Variants in CASK observed in about 807,000 individuals in gnomAD.
CASK encodes the protein calcium/calmodulin dependent serine protein kinase, also known as peripheral plasma membrane protein CASK.
In CASK, 4 loss-of-function variants were observed where a neutral mutation model predicts 82.9. The ratio of observed to expected loss-of-function variants is 0.05; its 90% CI spans 0.02 to 0.11. The LOEUF (loss-of-function observed/expected upper bound fraction) is 0.11, where lower values mean the gene tolerates loss of function less well. Ranked by LOEUF, CASK falls within the 10% of genes least tolerant of loss-of-function variation. The probability of loss-of-function intolerance (pLI) is 1.00; values close to 1 mark genes in which losing one functional copy is unlikely to be tolerated. For synonymous variants in CASK, 259 were observed against 253.5 expected, an observed-to-expected ratio of 1.02 and a Z score of -0.20; for missense variants, 358 against 720.9, an observed-to-expected ratio of 0.50 and a Z score of 5.76.
chrX:41,741,358 T>A (rs187650800), intron 4 of CASK, among the ~76,000 whole-genome samples: 2 of 112,189 alleles, frequency 1.8e-5, no homozygotes, highest in Admixed American at 1.9e-4. Flanking sequence ...AATATTATTA[T>A]TGTTAAGTTC....
chrX:41,660,593 A>G (rs752372361), intron 7 of CASK, 32 bp from the exon 8 acceptor site: 7 of 1,171,994 alleles, frequency 6.0e-6, no homozygotes, highest in Non-Finnish European at 8.1e-6. Context: ...CTACATAGTT[A>G]CCTTAAATGA....
At chrX:41,912,951 A>C (rs1485455305) in intron 1 of CASK, among the ~76,000 whole-genome samples, 1 of 108,744 alleles carries the variant, frequency 9.2e-6, no homozygotes, top group Admixed American at 1.0e-4. Flanking sequence ...TAAATGAGGA[A>C]GCAGGCCTAC....
intron 5 of CASK, chrX:41,729,434 G>A (rs867249652): frequency 1.6e-5 from 2 of 121,557 alleles, no homozygotes; most frequent in Non-Finnish European, 3.8e-5. Context: ...AAATATTGAA[G>A]TGGGCTGGGT....
intron 1 of CASK, among the ~76,000 whole-genome samples, chrX:41,873,306 A>G (rs543785922): frequency 7.6e-5 from 8 of 105,533 alleles, no homozygotes; most frequent in Non-Finnish European, 1.4e-4. Context: ...AAAAAAAAAA[A>G]AGAGAGAGAG....
chrX:41,830,634 C>T, intron 2 of CASK, among the ~76,000 whole-genome samples: 1 of 107,375 alleles, frequency 9.3e-6, no homozygotes, highest in Non-Finnish European at 1.9e-5. Context: ...TCCTGGCTAA[C>T]TCGGTGAAAC....
chrX:41,779,764 C>G (rs190928774), intron 3 of CASK, among the ~76,000 whole-genome samples: 118 of 110,623 alleles, frequency 1.1e-3, no homozygotes, highest in Non-Finnish European at 1.9e-3. Flanking sequence ...AGCAAGTTTG[C>G]TGGTAAGTAG....
intron 1 of CASK, among the ~76,000 whole-genome samples, chrX:41,867,512 C>T (rs5963280): frequency 4.9e-4 from 55 of 112,265 alleles, no homozygotes; most frequent in African/African-American, 1.6e-3. Context: ...GCTGTAAAAT[C>T]ATATAACATG....
At chrX:41,817,120 A>G (rs2070428325) in intron 2 of CASK, among the ~76,000 whole-genome samples, 1 of 112,210 alleles carries the variant, frequency 8.9e-6, no homozygotes, top group Non-Finnish European at 1.9e-5. Context: ...TCAATAAACT[A>G]AAAAGGTCAT....
intron 2 of CASK, among the ~76,000 whole-genome samples, chrX:41,839,094 T>C (rs1221566562): frequency 8.9e-6 from 1 of 111,762 alleles, no homozygotes. Flanking sequence ...TTCCTCCCAC[T>C]TTATCATAGT....
At chrX:41,778,419 T>A (rs918744454) in intron 3 of CASK, among the ~76,000 whole-genome samples, 4 of 110,403 alleles carry the variant, frequency 3.6e-5, no homozygotes, top group African/African-American at 1.3e-4. Context: ...TTAGTAGTGA[T>A]AGGGTTTCAC....
At chrX:41,630,531 C>T (rs2066448384) in intron 9 of CASK, among the ~76,000 whole-genome samples, 1 of 111,614 alleles carries the variant, frequency 9.0e-6, no homozygotes, top group African/African-American at 3.3e-5. Flanking sequence ...TGGTTTTGTA[C>T]CTAAATAACA....
In CASK at chrX:41,787,263, T is replaced by C; in HGVS notation, c.193A>G (p.Ile65Val). Residue 65 changes from isoleucine (I) to valine (V), a missense_variant, in exon 3 of 27, where the codon ATC (isoleucine) becomes GTC (valine). Coordinates refer to ENST00000378163, the MANE Select transcript of CASK (RefSeq NM_001367721.1). ...TGTGGATGTTTCAGCATATGACAGA[T>C]ACTGGCTTCCCGCTTTAGATCTGTA... Reference protein sequence around the residue: ...STEDLKREASICHMLKHPHIV... With the variant: ...STEDLKREASVCHMLKHPHIV... 1 of 1,178,928 alleles carries C rather than the reference T, an allele frequency of 8.5e-7. No individual in the cohort carries two copies. Among genetic ancestry groups the C allele is most frequent in the African/African-American group, 1.7e-5 (1 of 57,290 alleles).
intron 4 of CASK, among the ~76,000 whole-genome samples, chrX:41,741,032 G>A (rs1006981025): frequency 8.1e-5 from 9 of 110,975 alleles, no homozygotes; most frequent in Admixed American, 1.9e-4. Flanking sequence ...ACAGATATGC[G>A]CCACCACGCC....
intron 2 of CASK, among the ~76,000 whole-genome samples, chrX:41,798,663 C>T (rs1227486419): frequency 9.0e-6 from 1 of 111,670 alleles, no homozygotes; most frequent in East Asian, 2.8e-4. Context: ...GGTGAAACCC[C>T]GTCTCCACTA....
intron 2 of CASK, among the ~76,000 whole-genome samples, chrX:41,852,887 C>A (rs904870411): frequency 3.6e-5 from 4 of 110,780 alleles, no homozygotes; most frequent in East Asian, 2.8e-4. Flanking sequence ...AAACATAGGC[C>A]CATAGAAATC....
intron 8 of CASK, among the ~76,000 whole-genome samples, chrX:41,642,571 T>C (rs1359412429): frequency 8.9e-6 from 1 of 112,447 alleles, no homozygotes; most frequent in African/African-American, 3.2e-5. Context: ...TTCATATCCT[T>C]CACCCACTTT....
intron 11 of CASK, among the ~76,000 whole-genome samples, chrX:41,613,314 C>G (rs1372377589): frequency 6.3e-4 from 65 of 102,596 alleles, no homozygotes; most frequent in African/African-American, 2.1e-3. Context: ...TTGGGATCCT[C>G]TTGATCTGTG....
rs780206244 is a variant in CASK at position 41,914,443 on chromosome X, A to G, written c.59+8487T>C. ...CCAAAAAACTGGCTTATGTACAACG[A>G]AGCAATCGTTTCTTATTGTGAATGG... On this transcript the variant is annotated intron_variant, in intron 1 of 26. Coordinates refer to ENST00000378163, the MANE Select transcript of CASK (RefSeq NM_001367721.1). Among the ~76,000 whole-genome samples, 74 of 112,634 alleles carry G rather than the reference A, an allele frequency of 6.6e-4. 1 individual carries two copies. Among genetic ancestry groups the G allele is most frequent in the African/African-American group, 2.2e-3 (68 of 31,027 alleles).
chrX:41,854,224 G>GCGCGCGCGCGCACA (rs1367817089), intron 1 of CASK, among the ~76,000 whole-genome samples: 1 of 81,718 alleles, frequency 1.2e-5, no homozygotes, highest in African/African-American at 4.6e-5. Flanking sequence ...GCGGGCGCGC[G>GCGCGCGCGCGCACA]CACACACACA....
Sources: allele counts gnomAD v4.1 joint callset (sites outside exome capture counted in the v4.1 genomes callset), GRCh38; gene constraint gnomAD v4.1.1; transcripts MANE v1.5; gene names NCBI Gene and HGNC (gene_info 2026-07-23, HGNC 2026-07-21).